FILIP1L: variants seen among roughly 807,000 people sequenced by gnomAD.
FILIP1L encodes the protein filamin A interacting protein 1 like.
FILIP1L carries 55 observed loss-of-function variants against 96.6 expected under a neutral mutation model. The observed-to-expected ratio is 0.57, with a 90% CI of 0.46 to 0.71. FILIP1L has a LOEUF of 0.71. Ranked by LOEUF, FILIP1L falls within the 30% of genes least tolerant of loss-of-function variation. The pLI is 0.00. For missense variants in FILIP1L, 1,304 were observed against 1,321.2 expected (o/e 0.99, Z 0.20); for synonymous variants, 467 against 473.9 (o/e 0.99, Z 0.19).
intron 4 of FILIP1L, among the ~76,000 whole-genome samples, chr3:99,906,402 G>C (rs1286063384): frequency 6.6e-6 from 1 of 152,010 alleles, no homozygotes; most frequent in Non-Finnish European, 1.5e-5. Flanking sequence ...TGGTTTATAG[G>C]AGTTGTTCAT....
At chr3:100,068,970 T>C (rs1388635324) in intron 1 of FILIP1L, among the ~76,000 whole-genome samples, 1 of 152,182 alleles carries the variant, frequency 6.6e-6, no homozygotes, top group Non-Finnish European at 1.5e-5. Flanking sequence ...TAGAGGGACA[T>C]GACAGTGCAG....
rs1303046723 is a variant in FILIP1L, at chr3:99,982,728, T to G, written c.-10-51698A>C. Reference sequence around the variant, plus strand: ...ACCAGACCACCATTCATTTGCATGATTCTGTTAATGCCATATATAGTATTT... The same window carrying G: ...ACCAGACCACCATTCATTTGCATGAGTCTGTTAATGCCATATATAGTATTT... On this transcript the variant is annotated intron_variant, in intron 1 of 5. Transcript: ENST00000477258. Among the ~76,000 whole-genome samples, 4 of 152,306 alleles carry G rather than the reference T, an allele frequency of 2.6e-5. No homozygotes were observed. The East Asian group carries it at 7.7e-4, about 29-fold the overall frequency.
At chr3:99,971,610 C>T (rs1367646845) in intron 1 of FILIP1L, among the ~76,000 whole-genome samples, 1 of 152,156 alleles carries the variant, frequency 6.6e-6, no homozygotes, top group Non-Finnish European at 1.5e-5. Context: ...GTAGCCACTC[C>T]CTGATCTAAG....
chr3:99,892,827 T>G (rs1304120038), intron 4 of FILIP1L, among the ~76,000 whole-genome samples: 1 of 152,372 alleles, frequency 6.6e-6, no homozygotes, highest in East Asian at 1.9e-4. Context: ...ATTTTATCCT[T>G]GATCTAAACA....
At chr3:99,847,156 A>G (rs572829554) in intron 5 of FILIP1L, among the ~76,000 whole-genome samples, 3 of 152,244 alleles carry the variant, frequency 2.0e-5, no homozygotes, top group East Asian at 1.9e-4. Flanking sequence ...TGCCTTTTCT[A>G]TAGCTTATGT....
At chr3:99,938,034 T>C (rs1707735708) in intron 1 of FILIP1L, among the ~76,000 whole-genome samples, 1 of 150,912 alleles carries the variant, frequency 6.6e-6, no homozygotes. Context: ...CACTGGTGCC[T>C]GCAAAAGGCT....
chr3:100,067,560 A>G (rs1013489526), intron 1 of FILIP1L, among the ~76,000 whole-genome samples: 2 of 152,202 alleles, frequency 1.3e-5, no homozygotes, highest in Non-Finnish European at 2.9e-5. Context: ...AATTTTGCAG[A>G]TTTGATTCAG....
chr3:99,850,316 T>C lies in FILIP1L; in HGVS notation c.1360A>G (p.Thr454Ala). 1 of 1,613,348 alleles carries C rather than the reference T, an allele frequency of 6.2e-7. No individual in the cohort carries two copies. The highest frequency in any genetic ancestry group is 8.5e-7 in the Non-Finnish European group (1 of 1,179,940). Residue 454 changes from threonine to alanine, a missense_variant, in exon 5 of 6, where the codon ACC becomes GCC. Transcript: ENST00000477258. ...LKCNLEKERM[T>A]TKQLSQELES... The stretch of plus-strand genomic sequence containing the variant: ...AGTTCTTGAGACAACTGCTTTGTGG[T>C]CATCCTTTCTTTTTCTAAATTGCAT...
chr3:100,030,268 G>A (rs1424832171), intron 1 of FILIP1L, among the ~76,000 whole-genome samples: 1 of 152,110 alleles, frequency 6.6e-6, no homozygotes, highest in Non-Finnish European at 1.5e-5. Context: ...AAGGAAAAGA[G>A]CTGGCTTGGA....
At chr3:99,927,448 C>T (rs766546717) in intron 3 of FILIP1L, among the ~76,000 whole-genome samples, 3 of 151,492 alleles carry the variant, frequency 2.0e-5, no homozygotes, top group Non-Finnish European at 2.9e-5. Flanking sequence ...CAGCTCATCG[C>T]GATCTCCGCC....
At chr3:99,959,582 G>A (rs1324031222) in intron 1 of FILIP1L, among the ~76,000 whole-genome samples, 2 of 152,144 alleles carry the variant, frequency 1.3e-5, no homozygotes, top group African/African-American at 2.4e-5. Context: ...AGTTTTCCAC[G>A]TGTATAATTT....
At chr3:100,081,500 G>A (rs1177580437) in intron 1 of FILIP1L, among the ~76,000 whole-genome samples, 1 of 152,128 alleles carries the variant, frequency 6.6e-6, no homozygotes, top group African/African-American at 2.4e-5. Context: ...GTATACTTAT[G>A]TAGAAAGATA....
At chr3:99,844,392 C>G (rs1943269731) in intron 5 of FILIP1L, among the ~76,000 whole-genome samples, 1 of 152,160 alleles carries the variant, frequency 6.6e-6, no homozygotes, top group Middle Eastern at 3.4e-3. Context: ...TATCTTTTCT[C>G]TTGGGATTAC....
chr3:99,926,226 C>G (rs1707288776), intron 3 of FILIP1L, among the ~76,000 whole-genome samples: 1 of 152,218 alleles, frequency 6.6e-6, no homozygotes, highest in Non-Finnish European at 1.5e-5. Context: ...ACTGAGGTGT[C>G]CCAGCATATA....
rs1707905477 is a variant in FILIP1L, at chr3:99,943,288, A to G, written c.-10-12258T>C. On this transcript the variant is annotated intron_variant, in intron 1 of 5. Transcript: ENST00000477258. ...TCAAAGGAGGTTTGAAGACATTTCC[A>G]AAATGTGTCAGCCCTGACACTTTTT... Among the ~76,000 whole-genome samples the G allele has an allele frequency of 2.0e-5, 3 of 152,236 alleles. No homozygotes were observed. In the South Asian group the frequency reaches 6.2e-4, roughly 32 times the overall value.
chr3:100,091,068 G>A (rs750117567), intron 1 of FILIP1L, among the ~76,000 whole-genome samples: 30 of 152,170 alleles, frequency 2.0e-4, no homozygotes, highest in African/African-American at 5.3e-4. Context: ...GGCGGATCAC[G>A]AGATCAGGAG....
At chr3:100,085,335 T>C (rs149957058) in intron 1 of FILIP1L, among the ~76,000 whole-genome samples, 2 of 152,348 alleles carry the variant, frequency 1.3e-5, no homozygotes, top group African/African-American at 4.8e-5. Flanking sequence ...TCTTCCCTTC[T>C]CCTTAAGGAA....
chr3:99,938,496 T>G (rs1284067802), intron 1 of FILIP1L, among the ~76,000 whole-genome samples: 1 of 152,118 alleles, frequency 6.6e-6, no homozygotes, highest in Non-Finnish European at 1.5e-5. Context: ...GGCTTTAAAT[T>G]TGAATATATT....
chr3:99,907,493 C>T (rs541133596), intron 4 of FILIP1L, among the ~76,000 whole-genome samples: 31 of 152,244 alleles, frequency 2.0e-4, no homozygotes, highest in Non-Finnish European at 2.6e-4. Context: ...ATGATCCACC[C>T]GCCTCGGCCT....
Sources: gnomAD v4.1 joint callset for allele counts (sites outside exome capture counted in the v4.1 genomes callset) on GRCh38, gnomAD v4.1.1 for gene constraint, MANE v1.5 for transcripts, NCBI Gene and HGNC (gene_info 2026-07-23, HGNC 2026-07-21) for gene names.